JAZF1: variants seen among roughly 807,000 people sequenced by gnomAD.
JAZF1 encodes the protein JAZF zinc finger 1, also known as juxtaposed with another zinc finger protein 1.
A neutral mutation model predicts 26.4 loss-of-function variants in JAZF1; 8 were observed. The observed-to-expected ratio is 0.30, with a 90% CI of 0.18 to 0.55. JAZF1 has a LOEUF of 0.55. JAZF1 is among the 20% of genes least tolerant of loss of function. JAZF1 has a pLI of 0.94. For synonymous variants in JAZF1, 126 were observed against 122.3 expected, an observed-to-expected ratio of 1.03 and a Z score of -0.20; for missense variants, 199 against 322.0, an observed-to-expected ratio of 0.62 and a Z score of 2.92.
At chr7:28,177,595 T>C (rs1783567550) in intron 1 of JAZF1, among the ~76,000 whole-genome samples, 1 of 152,188 alleles carries the variant, frequency 6.6e-6, no homozygotes, top group South Asian at 2.1e-4. Context: ...TAAGCATATC[T>C]CTAATACTCA....
At position 27,943,579 on chromosome 7, in the gene JAZF1, C is replaced by T. The variant is rs529555614; in HGVS notation, c.189-48163G>A. Among the ~76,000 whole-genome samples, 16 of 152,306 alleles carry T rather than the reference C, an allele frequency of 1.1e-4. 1 individual carries two copies. The East Asian group carries it at 1.9e-3, about 18-fold the overall frequency. On this transcript the variant is annotated intron_variant, in intron 2 of 4. Coordinates refer to ENST00000283928, the MANE Select transcript of JAZF1 (RefSeq NM_175061.4). ...TCTCAAATTAGGAAGCCAATCCTTCCCCTCGATATGATGCCAAGTTAGTGC... is the reference window on the plus strand; with the variant it reads ...TCTCAAATTAGGAAGCCAATCCTTCTCCTCGATATGATGCCAAGTTAGTGC...
intron 1 of JAZF1, chr7:28,020,421 C>A (rs918589369): frequency 8.1e-6 from 3 of 368,642 alleles, no homozygotes; most frequent in Non-Finnish European, 1.6e-5. Context: ...AACACTGCTG[C>A]AGAAGGAAAC....
At chr7:27,876,336 A>G (rs1321231390) in intron 3 of JAZF1, among the ~76,000 whole-genome samples, 1 of 151,676 alleles carries the variant, frequency 6.6e-6, no homozygotes, top group African/African-American at 2.4e-5. Context: ...TGAAAAGTCA[A>G]CTCTACTGGA....
intron 2 of JAZF1, among the ~76,000 whole-genome samples, chr7:27,921,749 T>C (rs1456966059): frequency 3.9e-5 from 6 of 152,160 alleles, no homozygotes; most frequent in Non-Finnish European, 8.8e-5. Flanking sequence ...ATGCAATTTC[T>C]GGCCAGGCAT....
intron 3 of JAZF1, among the ~76,000 whole-genome samples, chr7:27,857,744 A>G (rs949082082): frequency 6.6e-6 from 1 of 152,244 alleles, no homozygotes; most frequent in African/African-American, 2.4e-5. Context: ...ATCATCTCTC[A>G]AAATAATAAG....
intron 2 of JAZF1, among the ~76,000 whole-genome samples, chr7:27,972,487 T>C (rs1364422291): frequency 6.6e-6 from 1 of 152,176 alleles, no homozygotes; most frequent in Non-Finnish European, 1.5e-5. Flanking sequence ...GCAGAAGCCA[T>C]GTTGGCCATG....
At chr7:27,994,668 A>T (rs1219451827) in intron 1 of JAZF1, among the ~76,000 whole-genome samples, 2 of 152,196 alleles carry the variant, frequency 1.3e-5, no homozygotes, top group Non-Finnish European at 2.9e-5. Flanking sequence ...AAATGAAATT[A>T]GGCACTTGGT....
At chr7:27,893,252 T>C (rs1236026312) in intron 3 of JAZF1, among the ~76,000 whole-genome samples, 1 of 152,242 alleles carries the variant, frequency 6.6e-6, no homozygotes, top group African/African-American at 2.4e-5. Flanking sequence ...AACTAGTATT[T>C]TGTGAAGTTA....
intron 1 of JAZF1, among the ~76,000 whole-genome samples, chr7:27,993,242 G>C (rs951719762): frequency 3.3e-5 from 5 of 152,168 alleles, no homozygotes; most frequent in African/African-American, 1.2e-4. Context: ...GCCAAATTCT[G>C]AAACAAGAGA....
chr7:27,886,874 G>A (rs111528201), intron 3 of JAZF1, among the ~76,000 whole-genome samples: 89 of 152,296 alleles, frequency 5.8e-4, no homozygotes, highest in Middle Eastern at 6.8e-3. Flanking sequence ...TGATAGACTG[G>A]ATAAAGAAAA....
chr7:28,176,369 G>A (rs1324230185), intron 1 of JAZF1, among the ~76,000 whole-genome samples: 1 of 152,212 alleles, frequency 6.6e-6, no homozygotes, highest in African/African-American at 2.4e-5. Flanking sequence ...CTTGGGGCCT[G>A]TGTACTGCCT....
chr7:28,106,631 C>T (rs920368483), intron 1 of JAZF1, among the ~76,000 whole-genome samples: 21 of 152,112 alleles, frequency 1.4e-4, no homozygotes, highest in Non-Finnish European at 2.6e-4. Flanking sequence ...CATTTCCCTC[C>T]ACTGCAAAGG....
chr7:28,099,807 A>C (rs1275419978), intron 1 of JAZF1, among the ~76,000 whole-genome samples: 1 of 152,202 alleles, frequency 6.6e-6, no homozygotes, highest in Non-Finnish European at 1.5e-5. Context: ...CTAACCAGTG[A>C]CAAAAACAGA....
chr7:27,987,556 C>T (rs2391492), intron 2 of JAZF1, among the ~76,000 whole-genome samples: 50,411 of 151,594 alleles, frequency 0.33, 9,364 homozygotes, highest in Middle Eastern at 0.45. Context: ...CCGCCCTGTC[C>T]GGGAGGGAGG....
chr7:27,992,119 G>A (rs1018512127), intron 1 of JAZF1, 138 bp from the exon 2 acceptor site: 19 of 708,700 alleles, frequency 2.7e-5, no homozygotes, highest in Admixed American at 1.4e-4. Context: ...CTGAGTCGGC[G>A]AAGCACAATC....
intron 1 of JAZF1, among the ~76,000 whole-genome samples, chr7:28,016,411 C>T (rs561286170): frequency 4.6e-5 from 7 of 152,318 alleles, no homozygotes; most frequent in East Asian, 1.9e-4. Context: ...GGGACATTCA[C>T]GGCTGCCCAC....
At chr7:27,986,357 T>A (rs560163323) in intron 2 of JAZF1, among the ~76,000 whole-genome samples, 5 of 152,168 alleles carry the variant, frequency 3.3e-5, no homozygotes, top group Admixed American at 2.6e-4. Flanking sequence ...TGAACTCCCA[T>A]TCACAATTGC....
intron 3 of JAZF1, among the ~76,000 whole-genome samples, chr7:27,849,438 C>T (rs931138398): frequency 5.3e-5 from 8 of 152,158 alleles, no homozygotes; most frequent in African/African-American, 9.7e-5. Flanking sequence ...TGCAAGAAAA[C>T]GTAATTTAAC....
At chr7:28,137,858 C>T (rs965195175) in intron 1 of JAZF1, among the ~76,000 whole-genome samples, 1 of 152,144 alleles carries the variant, frequency 6.6e-6, no homozygotes, top group Admixed American at 6.5e-5. Context: ...AAGAACTTTC[C>T]GTGTATTCAT....
Sources: gnomAD v4.1 joint callset for allele counts (sites outside exome capture counted in the v4.1 genomes callset) on GRCh38, gnomAD v4.1.1 for gene constraint, MANE v1.5 for transcripts, NCBI Gene and HGNC (gene_info 2026-07-23, HGNC 2026-07-21) for gene names.